The following EXOC6B variants were observed in gnomAD, a reference collection of about 807,000 sequenced individuals.
The protein encoded by EXOC6B is SEC15 homolog B.
EXOC6B carries 54 observed loss-of-function variants against 113.5 expected under a neutral mutation model. That is an observed-to-expected ratio of 0.48 (90% CI 0.38 to 0.60). The LOEUF (loss-of-function observed/expected upper bound fraction) is 0.60, where lower values mean the gene tolerates loss of function less well. Among genes scored for constraint, EXOC6B ranks in the 20% least tolerant of loss-of-function variants. The pLI, the probability that EXOC6B is intolerant of heterozygous loss-of-function variation, is 0.00. For synonymous variants in EXOC6B, 357 were observed against 339.0 expected (o/e 1.05, Z -0.58); for missense variants, 797 against 977.5 (o/e 0.82, Z 2.46).
chr2:72,265,269 A>ATTC (rs200149910), intron 20 of EXOC6B, among the ~76,000 whole-genome samples: 111 of 146,236 alleles, frequency 7.6e-4, no homozygotes, highest in African/African-American at 2.6e-3. Flanking sequence ...TATTATTATT[A>ATTC]TACTTTAAGT....
intron 18 of EXOC6B, among the ~76,000 whole-genome samples, chr2:72,396,268 C>T (rs1317163284): frequency 6.6e-6 from 1 of 152,128 alleles, no homozygotes. Flanking sequence ...GAAACTTCAT[C>T]ACAGTGCATC....
intron 20 of EXOC6B, among the ~76,000 whole-genome samples, chr2:72,272,138 C>T (rs1684530408): frequency 1.3e-5 from 2 of 152,072 alleles, no homozygotes; most frequent in African/African-American, 2.4e-5. Context: ...AAAGTGAATC[C>T]ACCTAGTATG....
chr2:72,323,727 A>G (rs1211564463), intron 20 of EXOC6B, among the ~76,000 whole-genome samples: 2 of 151,872 alleles, frequency 1.3e-5, no homozygotes, highest in East Asian at 3.9e-4. Flanking sequence ...CAGCAAACCA[A>G]CACAAGAACA....
intron 20 of EXOC6B, among the ~76,000 whole-genome samples, chr2:72,241,409 G>A (rs923946009): frequency 6.6e-6 from 1 of 152,182 alleles, no homozygotes; most frequent in Admixed American, 6.5e-5. Context: ...TATTTGTAAT[G>A]AGAATATCAA....
intron 18 of EXOC6B, among the ~76,000 whole-genome samples, chr2:72,408,044 A>C (rs1693902188): frequency 7.0e-6 from 1 of 142,108 alleles, no homozygotes; most frequent in African/African-American, 3.1e-5. Context: ...AATGTGCACA[A>C]ATCACAACCA....
chr2:72,382,558 G>A (rs1331194386), intron 18 of EXOC6B, among the ~76,000 whole-genome samples: 1 of 152,030 alleles, frequency 6.6e-6, no homozygotes, highest in Non-Finnish European at 1.5e-5. Context: ...GTTTAGTTCT[G>A]TGAAGAATGT....
chr2:72,408,622 T>A lies in EXOC6B; in HGVS notation c.1981-28752A>T, dbSNP rs376081515. Reference sequence around the variant, plus strand: ...CAAAAACAAGAAATGGGGGAACGACTCCCTATTTAATAAATGGTGCTGGGA... The same window carrying A: ...CAAAAACAAGAAATGGGGGAACGACACCCTATTTAATAAATGGTGCTGGGA... On this transcript the variant is annotated intron_variant, in intron 18 of 21. Coordinates refer to ENST00000272427, the MANE Select transcript of EXOC6B (RefSeq NM_015189.3). Among the ~76,000 whole-genome samples, 12 of 152,300 alleles carry A rather than the reference T, an allele frequency of 7.9e-5. No homozygotes were observed. In the East Asian group the frequency reaches 1.7e-3, roughly 22 times the overall value.
chr2:72,441,520 G>A (rs568852596), intron 18 of EXOC6B, among the ~76,000 whole-genome samples: 10 of 151,316 alleles, frequency 6.6e-5, no homozygotes, highest in African/African-American at 2.4e-4. Flanking sequence ...AGAAAAGAGA[G>A]AAGATTCAAA....
intron 6 of EXOC6B, among the ~76,000 whole-genome samples, chr2:72,632,247 A>C (rs1282048263): frequency 1.3e-5 from 2 of 152,184 alleles, no homozygotes; most frequent in African/African-American, 4.8e-5. Context: ...TTAGAAATGC[A>C]AAATTTTAAA....
intron 6 of EXOC6B, among the ~76,000 whole-genome samples, chr2:72,590,839 T>C (rs1705898178): frequency 6.6e-6 from 1 of 151,968 alleles, no homozygotes; most frequent in Non-Finnish European, 1.5e-5. Context: ...TTAGTCAACC[T>C]ATGAAAGACC....
intron 6 of EXOC6B, among the ~76,000 whole-genome samples, chr2:72,662,763 C>CG (rs1675114331): frequency 6.6e-6 from 1 of 151,314 alleles, no homozygotes; most frequent in African/African-American, 2.4e-5. Flanking sequence ...TTTTTTGAGA[C>CG]GGAGTCTCAC....
At chr2:72,584,883 A>G (rs937912172) in intron 6 of EXOC6B, among the ~76,000 whole-genome samples, 1 of 152,218 alleles carries the variant, frequency 6.6e-6, no homozygotes, top group African/African-American at 2.4e-5. Flanking sequence ...ATTACATAGA[A>G]ATTAAACAAC....
chr2:72,795,687 G>C (rs1337875979), intron 1 of EXOC6B, among the ~76,000 whole-genome samples: 3 of 152,166 alleles, frequency 2.0e-5, no homozygotes, highest in Non-Finnish European at 4.4e-5. Context: ...CTAATCACTG[G>C]AACCTATGAA....
intron 18 of EXOC6B, among the ~76,000 whole-genome samples, chr2:72,458,165 T>C (rs1277796134): frequency 6.6e-6 from 1 of 152,176 alleles, no homozygotes; most frequent in African/African-American, 2.4e-5. Context: ...GAGCCACTTC[T>C]GTCAGGGAAT....
At chr2:72,455,839 G>C (rs1418569295) in intron 18 of EXOC6B, among the ~76,000 whole-genome samples, 1 of 151,982 alleles carries the variant, frequency 6.6e-6, no homozygotes, top group East Asian at 1.9e-4. Context: ...GAAAGAAAAA[G>C]AGAGAAACAG....
rs1332136494 is a variant in EXOC6B, at chr2:72,178,593, T to G, written c.*742A>C. 6 of 152,198 alleles carry G rather than the reference T, an allele frequency of 3.9e-5. No individual in the cohort carries two copies. The East Asian group carries it at 1.2e-3, about 29-fold the overall frequency. 9.4% of individuals were successfully genotyped at this position (152,198 alleles called of 1,614,324 possible). A position where few individuals can be genotyped will look rare whatever the true frequency, so the allele number is the denominator to read the frequency against. On this transcript the variant is annotated 3_prime_UTR_variant, in exon 22 of 22. Transcript: ENST00000272427. The stretch of plus-strand genomic sequence containing the variant: ...ACTGGCTTTCAAGATCCAGAAAAAC[T>G]CTTCGAGTTGAGACTCAACACTCCT...
At chr2:72,329,451 T>C (rs1260311673) in intron 20 of EXOC6B, among the ~76,000 whole-genome samples, 1 of 152,090 alleles carries the variant, frequency 6.6e-6, no homozygotes, top group East Asian at 1.9e-4. Flanking sequence ...AAATAAATCC[T>C]ATGGACTACA....
At chr2:72,675,910 G>A (rs1317192191) in intron 6 of EXOC6B, among the ~76,000 whole-genome samples, 1 of 151,976 alleles carries the variant, frequency 6.6e-6, no homozygotes, top group Non-Finnish European at 1.5e-5. Context: ...TTTCCTCTAT[G>A]TTCTACTAAT....
intron 18 of EXOC6B, among the ~76,000 whole-genome samples, chr2:72,459,294 C>A (rs1341863283): frequency 6.8e-6 from 1 of 148,102 alleles, no homozygotes; most frequent in Admixed American, 6.8e-5. Flanking sequence ...AAAACTGGCA[C>A]AAGACAGGGA....
Sources: gnomAD v4.1 joint callset for allele counts (sites outside exome capture counted in the v4.1 genomes callset) on GRCh38, gnomAD v4.1.1 for gene constraint, MANE v1.5 for transcripts, NCBI Gene and HGNC (gene_info 2026-07-23, HGNC 2026-07-21) for gene names.